DEDD2: variants seen among roughly 807,000 people sequenced by gnomAD.
DEDD2 encodes DNA-binding death effector domain-containing protein 2.
Under a neutral mutation model 28.9 loss-of-function variants are expected in DEDD2, and 18 were observed. The ratio of observed to expected loss-of-function variants is 0.62; its 90% CI spans 0.43 to 0.92. The LOEUF (loss-of-function observed/expected upper bound fraction) is 0.92, where lower values mean the gene tolerates loss of function less well. DEDD2 is among the 40% of genes least tolerant of loss of function. The pLI is 0.00. For missense variants in DEDD2, 411 were observed against 463.3 expected, an observed-to-expected ratio of 0.89 and a Z score of 1.04; for synonymous variants, 211 against 206.1, an observed-to-expected ratio of 1.02 and a Z score of -0.20.
chr19:42,204,951 C>T (rs1366772544), intron 4 of DEDD2, among the ~76,000 whole-genome samples: 4 of 152,230 alleles, frequency 2.6e-5, no homozygotes. Context: ...CTGCCTCCAA[C>T]TCCAGAGAGG....
chr19:42,219,587 G>A (rs2036093537), upstream of DEDD2, among the ~76,000 whole-genome samples: 1 of 152,240 alleles, frequency 6.6e-6, no homozygotes, highest in African/African-American at 2.4e-5. Flanking sequence ...GGGCGACAGA[G>A]TGAGACTCCG....
intron 3 of DEDD2, 54 bp downstream of exon 3, chr19:42,215,079 C>A (rs199852440): frequency 6.2e-7 from 1 of 1,606,132 alleles, no homozygotes; most frequent in Non-Finnish European, 8.5e-7. Flanking sequence ...TTGATGGGCA[C>A]AATTCATAAG....
intron 4 of DEDD2, among the ~76,000 whole-genome samples, chr19:42,203,873 G>A (rs747527212): frequency 2.0e-5 from 3 of 152,212 alleles, no homozygotes; most frequent in Non-Finnish European, 4.4e-5. Flanking sequence ...GAGAGAAGTG[G>A]AGGAACTGTC....
At chr19:42,202,332 A>G (rs928978604) in intron 4 of DEDD2, among the ~76,000 whole-genome samples, 2 of 152,052 alleles carry the variant, frequency 1.3e-5, no homozygotes, top group Admixed American at 6.5e-5. Context: ...CTCCAGTCAC[A>G]AGAAAATGTT....
rs34087334 is a variant in DEDD2, at chr19:42,216,919, A to T, written c.89T>A (p.Phe30Tyr). 127 of 1,600,694 alleles carry T rather than the reference A, an allele frequency of 7.9e-5. No individual in the cohort carries two copies. In the African/African-American group the frequency reaches 1.2e-3, roughly 15 times the overall value. Residue 30 changes from phenylalanine (F) to tyrosine (Y), a missense_variant, in exon 2 of 5, where the codon TTC becomes TAC. Around this residue, in one of 2 missense-constraint regions of DEDD2, gnomAD observed 282 missense variants for 273.4 expected, o/e 1.03. Coordinates refer to ENST00000596251, the MANE Select transcript of DEDD2 (RefSeq NM_133328.4). ...YYGMLSLHRM[F>Y]EVVGGQLTEC... ...GGTCAGTTGCCCGCCCACCACCTCG[A>T]ACATACGGTGAAGCGACAGCATCCC... is the stretch of plus-strand genomic sequence containing the variant.
intron 4 of DEDD2, among the ~76,000 whole-genome samples, chr19:42,207,425 C>T (rs1244979197): frequency 6.6e-6 from 1 of 152,184 alleles, no homozygotes; most frequent in Non-Finnish European, 1.5e-5. Context: ...CCAGCTCCAA[C>T]TTGGTCTTCT....
chr19:42,212,976 G>A (rs78921359), intron 3 of DEDD2, among the ~76,000 whole-genome samples: 2 of 152,262 alleles, frequency 1.3e-5, no homozygotes, highest in East Asian at 1.9e-4. Context: ...AAAGAACCTA[G>A]AACAATATAC....
intron 4 of DEDD2, among the ~76,000 whole-genome samples, chr19:42,207,034 C>T (rs2035561223): frequency 6.6e-6 from 1 of 152,124 alleles, no homozygotes; most frequent in Non-Finnish European, 1.5e-5. Flanking sequence ...CTGAAGCCTC[C>T]CTTGGCCTGT....
At position 42,209,723 on chromosome 19, in the gene DEDD2, G is replaced by T. The variant is rs757943173; in HGVS notation, c.566C>A (p.Ser189Tyr). ...ACCACAGGTCACTTTGCCTTCAGAG[G>T]AAGGTCTGGCGGGCTCTGACTGCTG... ...PQQQSEPARP[S>Y]SEGKVTCDIR... Residue 189 changes from serine (S) to tyrosine (Y), a missense_variant, in exon 4 of 5, where the codon TCC becomes TAC. Ser to Tyr is a moderately radical substitution (Grantham distance 144, BLOSUM62 -2). Transcript: ENST00000596251. The T allele has an allele frequency of 6.2e-7, 1 of 1,608,190 alleles. No individual in the cohort carries two copies. Among genetic ancestry groups the T allele is most frequent in the African/African-American group, 1.3e-5 (1 of 74,452 alleles).
intron 4 of DEDD2, among the ~76,000 whole-genome samples, chr19:42,200,698 TAA>T (rs968342104): frequency 1.3e-5 from 2 of 152,190 alleles, no homozygotes; most frequent in African/African-American, 4.8e-5. Context: ...GCCCCAGAGA[TAA>T]AAAGATTCCT....
chr19:42,200,767 C>T (rs1414454889), intron 4 of DEDD2, among the ~76,000 whole-genome samples: 1 of 152,196 alleles, frequency 6.6e-6, no homozygotes, highest in Non-Finnish European at 1.5e-5. Context: ...CTCAACTCCC[C>T]TTTTTGCTGA....
At chr19:42,201,167 G>A (rs1022707593) in intron 4 of DEDD2, among the ~76,000 whole-genome samples, 5 of 152,170 alleles carry the variant, frequency 3.3e-5, no homozygotes, top group African/African-American at 1.2e-4. Flanking sequence ...GAGAAGTGAA[G>A]TGACTTGCCC....
chr19:42,203,560 G>C (rs1223794812), intron 4 of DEDD2, among the ~76,000 whole-genome samples: 1 of 152,170 alleles, frequency 6.6e-6, no homozygotes, highest in Non-Finnish European at 1.5e-5. Context: ...ATCGCCAGCA[G>C]ACTCAAGATT....
At chr19:42,202,310 C>T (rs1237299317) in intron 4 of DEDD2, among the ~76,000 whole-genome samples, 1 of 152,140 alleles carries the variant, frequency 6.6e-6, no homozygotes, top group Non-Finnish European at 1.5e-5. Context: ...CCGTGTCCCC[C>T]CATACCCTGC....
rs1171169630 is a variant in DEDD2 at position 42,199,995 on chromosome 19, G to A, written c.590-166C>T. ...TCTGTGGGGTTCCCTGACCAAGTAC[G>A]TCCTCCTCTTCTCCAGCCCACCACC... On this transcript the variant is annotated intron_variant, in intron 4 of 4. Transcript: ENST00000596251. The surrounding 1 kb of genome is among the most constrained non-coding windows in gnomAD (Gnocchi z 7.4). Among the ~76,000 whole-genome samples the A allele has an allele frequency of 2.6e-5, 4 of 152,196 alleles. No individual in the cohort carries two copies. The highest frequency in any genetic ancestry group is 4.8e-5 in the African/African-American group (2 of 41,524).
chr19:42,211,718 T>C (rs2035772864), intron 3 of DEDD2, among the ~76,000 whole-genome samples: 1 of 152,122 alleles, frequency 6.6e-6, no homozygotes, highest in South Asian at 2.1e-4. Context: ...TTAATGTTAT[T>C]AAGAGGAAAG....
intron 3 of DEDD2, 78 bp downstream of exon 3, chr19:42,215,055 C>T (rs777806151): frequency 2.5e-6 from 4 of 1,584,468 alleles, no homozygotes; most frequent in Non-Finnish European, 3.4e-6. Context: ...AGAATAACCC[C>T]TCAGGCCCCT....
intron 3 of DEDD2, among the ~76,000 whole-genome samples, chr19:42,212,907 A>C (rs1337246679): frequency 6.6e-6 from 1 of 152,226 alleles, no homozygotes; most frequent in Non-Finnish European, 1.5e-5. Context: ...CTATAACATT[A>C]ATCTTTAAAA....
intron 3 of DEDD2, among the ~76,000 whole-genome samples, chr19:42,214,307 A>C (rs2035879386): frequency 6.6e-6 from 1 of 152,134 alleles, no homozygotes; most frequent in South Asian, 2.1e-4. Context: ...AATACAAAAA[A>C]ATTAGCCAGG....
Sources: gnomAD v4.1 joint callset for allele counts (sites outside exome capture counted in the v4.1 genomes callset) on GRCh38, gnomAD v4.1.1 for gene constraint, gnomAD v4.1.1 regional missense constraint, Gnocchi (gnomAD v3.1) non-coding constraint, MANE v1.5 for transcripts, NCBI Gene and HGNC (gene_info 2026-07-23, HGNC 2026-07-21) for gene names.